The following ADCY7 variants were observed in gnomAD, a reference collection of about 807,000 sequenced individuals.
ADCY7 encodes adenylate cyclase 7, also known as adenylate cyclase type 7.
In ADCY7, 72 loss-of-function variants were observed where a neutral mutation model predicts 120.6. That is an observed-to-expected ratio of 0.60 (90% CI 0.49 to 0.73). The LOEUF (loss-of-function observed/expected upper bound fraction) is 0.73, where lower values mean the gene tolerates loss of function less well. ADCY7 is among the 30% of genes least tolerant of loss of function. ADCY7 has a pLI of 0.00. For synonymous variants in ADCY7, 661 were observed against 628.0 expected (o/e 1.05, Z -0.78); for missense variants, 1,227 against 1,486.0 (o/e 0.83, Z 2.87).
intron 8 of ADCY7, among the ~76,000 whole-genome samples, chr16:50,299,239 C>T (rs7197662): frequency 1.5e-4 from 23 of 152,352 alleles, no homozygotes; most frequent in African/African-American, 5.5e-4. Flanking sequence ...GCCTGTGACT[C>T]TGAGTCCCAG....
chr16:50,312,252 G>A, intron 21 of ADCY7, 61 bp downstream of exon 21: 2 of 1,584,682 alleles, frequency 1.3e-6, no homozygotes, highest in East Asian at 2.2e-5. Flanking sequence ...GCAGTCCGTA[G>A]GGTGAAGGTG....
intron 1 of ADCY7, among the ~76,000 whole-genome samples, chr16:50,286,855 A>C (rs1011245425): frequency 1.3e-5 from 2 of 152,194 alleles, no homozygotes; most frequent in Non-Finnish European, 2.9e-5. Flanking sequence ...CCTACCTCAC[A>C]CCATACCCAG....
intron 1 of ADCY7, among the ~76,000 whole-genome samples, chr16:50,272,426 C>T (rs1453152715): frequency 6.6e-6 from 1 of 152,222 alleles, no homozygotes; most frequent in Non-Finnish European, 1.5e-5. Context: ...GCGCAGCTGA[C>T]TGAGATCATT....
rs1418510869 is a variant in ADCY7 at position 50,308,400 on chromosome 16, A to G, written c.1924A>G (p.Thr642Ala). ...GCTGGTGCTGGGCCTGTGCTTTGCC[A>G]CCAAGTTCTCGGTAAGTGGGGAGCT... ...LGLVLGLCFA[T>A]KFSRCCPARG... is the part of the protein sequence containing the mutation. The change falls in exon 16 of 26, where the codon ACC becomes GCC. Residue 642 changes from threonine (T) to alanine (A), a missense_variant. By Grantham distance (58) the Thr-to-Ala change is moderately conservative. Transcript: ENST00000673801. The G allele has an allele frequency of 6.2e-7, 1 of 1,613,782 alleles. No homozygotes were observed. The highest frequency in any genetic ancestry group is 8.5e-7 in the Non-Finnish European group (1 of 1,179,946).
At chr16:50,281,956 G>A (rs777506839) in intron 1 of ADCY7, among the ~76,000 whole-genome samples, 11 of 152,316 alleles carry the variant, frequency 7.2e-5, no homozygotes, top group South Asian at 2.1e-4. Flanking sequence ...CGGCAGGACC[G>A]GGGGCGCGAG....
intron 1 of ADCY7, among the ~76,000 whole-genome samples, chr16:50,258,512 G>A (rs2032977348): frequency 2.6e-5 from 1 of 38,638 alleles, no homozygotes; most frequent in Non-Finnish European, 5.1e-5. Flanking sequence ...AGATGCTATT[G>A]GAAATTTCTG....
chr16:50,314,120 C>T, intron 23 of ADCY7, 58 bp downstream of exon 23: 1 of 1,539,508 alleles, frequency 6.5e-7, no homozygotes, highest in South Asian at 1.1e-5. Context: ...GGTGACCTGT[C>T]ACCTTACTTA....
At chr16:50,313,724 T>C (rs112412202) in intron 22 of ADCY7, 1 of 540,148 alleles carries the variant, frequency 1.9e-6, no homozygotes, top group East Asian at 2.9e-5. Context: ...CAGACACAGA[T>C]GGAAGGGAAG....
intron 1 of ADCY7, among the ~76,000 whole-genome samples, chr16:50,287,393 A>C (rs1173489082): frequency 6.6e-6 from 1 of 151,444 alleles, no homozygotes; most frequent in Non-Finnish European, 1.5e-5. Context: ...ATTTAAATTT[A>C]ATTTAAAATA....
Position 50,288,351 on chromosome 16 carries a change from G to A in ADCY7, c.171+1G>A. ...CATCATCATTGCCTTCAGCCAGGGG[G>A]TGAGTGAGGGCAGCCCCTGGGCTTC... is the stretch of plus-strand genomic sequence containing the variant. On this transcript the variant is annotated splice_donor_variant, in intron 2 of 25. Coordinates refer to ENST00000673801, the MANE Select transcript of ADCY7 (RefSeq NM_001114.5). LOFTEE classifies it high-confidence loss of function. 6.5e-7 allele frequency: 1 copy of A among 1,543,176 alleles called. No individual in the cohort carries two copies. The highest frequency in any genetic ancestry group is 8.8e-7 in the Non-Finnish European group (1 of 1,141,524).
chr16:50,270,916 C>G (rs180994423), intron 1 of ADCY7, among the ~76,000 whole-genome samples: 1 of 152,182 alleles, frequency 6.6e-6, no homozygotes, highest in Non-Finnish European at 1.5e-5. Flanking sequence ...CCAGCCCCCT[C>G]ATCTGTGCAG....
rs58339821 is a variant in ADCY7 at position 50,278,858 on chromosome 16, ATC to A, written c.-268-9038_-268-9037del. Among the ~76,000 whole-genome samples the A allele has an allele frequency of 3.7e-3, 491 of 132,506 alleles. 41 individuals are homozygous for A. Among genetic ancestry groups the A allele is most frequent in the Middle Eastern group, 0.012 (3 of 256 alleles). 86.9% of individuals were successfully genotyped at this position (132,506 alleles called of 152,430 possible). ...ATCTGTCCATGGGCCCGTGAAATGG[ATC>A]TCTCTCTCTCTCTCTTTTTTTTTTT... On this transcript the variant is annotated intron_variant, in intron 1 of 25. Transcript: ENST00000673801.
rs531481525 is a variant in ADCY7 at position 50,315,748 on chromosome 16, A to C, written c.*243A>C. 2.7e-5 allele frequency: 12 copies of C among 436,968 alleles called. No individual in the cohort carries two copies. The Admixed American group carries it at 4.3e-4, about 15-fold the overall frequency. The allele number at this position is 436,968 out of a possible 1,614,324, so 27.1% of individuals were successfully genotyped here. On this transcript the variant is annotated 3_prime_UTR_variant, in exon 26 of 26. Transcript: ENST00000673801. The stretch of plus-strand genomic sequence containing the variant: ...CTGTGCCTGGTCTGTAACAGTTTCC[A>C]GGCCAGCTGGAGAATGTTCACTGGT...
At chr16:50,270,227 A>G (rs531725964) in intron 1 of ADCY7, among the ~76,000 whole-genome samples, 7 of 152,236 alleles carry the variant, frequency 4.6e-5, no homozygotes, top group African/African-American at 1.7e-4. Flanking sequence ...AGATAGATAG[A>G]TAAACAGATA....
At chr16:50,250,610 A>T (rs796370046) in intron 1 of ADCY7, among the ~76,000 whole-genome samples, 4 of 118,824 alleles carry the variant, frequency 3.4e-5, no homozygotes, top group African/African-American at 3.3e-5. Flanking sequence ...CTCTATTTTT[A>T]AAAATAAACA....
intron 1 of ADCY7, among the ~76,000 whole-genome samples, chr16:50,260,179 G>A (rs1326092006): frequency 6.6e-6 from 1 of 152,240 alleles, no homozygotes; most frequent in Non-Finnish European, 1.5e-5. Context: ...TTATTGTTGG[G>A]AGTATCTGGG....
In ADCY7 at chr16:50,312,018, T is replaced by C. The variant is rs562673734; in HGVS notation, c.2449-18T>C. 4.3e-6 allele frequency: 7 copies of C among 1,613,718 alleles called. No individual in the cohort carries two copies. The highest frequency in any genetic ancestry group is 3.3e-5 in the Admixed American group (2 of 60,002). ...CACTTGCCTGTGGACGGGGCGCTTA[T>C]GTTGCTGCCGTTTGCAGATTGACTA... On this transcript the variant is annotated intron_variant, in intron 20 of 25. Coordinates refer to ENST00000673801, the MANE Select transcript of ADCY7 (RefSeq NM_001114.5).
upstream of ADCY7, among the ~76,000 whole-genome samples, chr16:50,265,958 GC>G (rs975587403): frequency 3.0e-4 from 46 of 152,324 alleles, no homozygotes; most frequent in African/African-American, 1.1e-3. Context: ...GCCTCATGGT[GC>G]CCAGGGATGT....
Position 50,297,932 on chromosome 16 carries a change from A to C in ADCY7, c.949-972A>C, listed in dbSNP as rs2035463653. On this transcript the variant is annotated intron_variant, in intron 7 of 25. Transcript: ENST00000673801. The surrounding 1 kb of genome is among the most constrained non-coding windows in gnomAD (Gnocchi z 4.4). ...TGGCGCTCCTTCTTCAGCTCCCCTA[A>C]AGCCCCACCCATGAGGCCTCGGTGC... Among the ~76,000 whole-genome samples the C allele has an allele frequency of 1.3e-5, 2 of 151,888 alleles. No individual in the cohort carries two copies. Among genetic ancestry groups the C allele is most frequent in the South Asian group, 4.2e-4 (2 of 4,816 alleles).
Sources: gnomAD v4.1 joint callset for allele counts (sites outside exome capture counted in the v4.1 genomes callset) on GRCh38, gnomAD v4.1.1 for gene constraint, Gnocchi (gnomAD v3.1) non-coding constraint, MANE v1.5 for transcripts, NCBI Gene and HGNC (gene_info 2026-07-23, HGNC 2026-07-21) for gene names.